MET: variants seen among roughly 807,000 people sequenced by gnomAD.
The protein encoded by MET is MET proto-oncogene, receptor tyrosine kinase, also known as hepatocyte growth factor receptor.
In MET, 48 loss-of-function variants were observed where a neutral mutation model predicts 133.1. The ratio of observed to expected loss-of-function variants is 0.36; its 90% CI spans 0.29 to 0.46. MET has a LOEUF of 0.46. Among genes scored for constraint, MET ranks in the 20% least tolerant of loss-of-function variants. The pLI is 1.00. For missense variants in MET, 1,442 were observed against 1,695.9 expected (o/e 0.85, Z 2.63); for synonymous variants, 628 against 616.5 (o/e 1.02, Z -0.28).
intron 11 of MET, among the ~76,000 whole-genome samples, chr7:116,764,240 A>G (rs1794524471): frequency 6.6e-6 from 1 of 152,188 alleles, no homozygotes; most frequent in African/African-American, 2.4e-5. Context: ...TACTAACCTC[A>G]TTATTGTGTT....
At chr7:116,774,455 G>T (rs769830885) in intron 14 of MET, among the ~76,000 whole-genome samples, 17 of 152,200 alleles carry the variant, frequency 1.1e-4, no homozygotes, top group Non-Finnish European at 1.9e-4. Flanking sequence ...CATAGGTTTT[G>T]CACAATAGTA....
At chr7:116,681,748 A>G (rs38845) in intron 1 of MET, among the ~76,000 whole-genome samples, 89,855 of 152,012 alleles carry the variant, frequency 0.59, 27,336 homozygotes, top group African/African-American at 0.75. Flanking sequence ...TACACTGTCC[A>G]AAGTGAGACT....
intron 11 of MET, among the ~76,000 whole-genome samples, chr7:116,766,819 G>C (rs1794643724): frequency 6.6e-6 from 1 of 152,026 alleles, no homozygotes; most frequent in African/African-American, 2.4e-5. Flanking sequence ...TGGTTTCATG[G>C]TACCTAGTAG....
chr7:116,696,178 C>G (rs1796960134), intron 1 of MET, among the ~76,000 whole-genome samples: 1 of 152,094 alleles, frequency 6.6e-6, no homozygotes, highest in Non-Finnish European at 1.5e-5. Flanking sequence ...CAGGAATTTT[C>G]ATTCTTTATC....
intron 1 of MET, among the ~76,000 whole-genome samples, chr7:116,690,917 A>G (rs1407617054): frequency 6.6e-6 from 1 of 152,234 alleles, no homozygotes; most frequent in African/African-American, 2.4e-5. Context: ...TTATAAATAC[A>G]GTATTTTAAA....
chr7:116,771,411 G>A (rs1794826423), intron 12 of MET, 87 bp from the exon 13 acceptor site: 1 of 1,473,908 alleles, frequency 6.8e-7, no homozygotes, highest in Admixed American at 1.7e-5. Flanking sequence ...TAACCAGTTG[G>A]TATTTGGGAC....
intron 5 of MET, among the ~76,000 whole-genome samples, chr7:116,754,929 A>AAG (rs778238570): frequency 3.2e-4 from 48 of 147,872 alleles, no homozygotes; most frequent in Non-Finnish European, 6.3e-4. Flanking sequence ...GAAAGAAAGA[A>AAG]AGAAAGAAAG....
intron 12 of MET, 134 bp downstream of exon 12, chr7:116,769,925 T>C (rs1252669700): frequency 7.8e-7 from 1 of 1,282,082 alleles, no homozygotes; most frequent in Non-Finnish European, 1.1e-6. Context: ...GCATTCCTAG[T>C]TGTTATTTTA....
chr7:116,674,525 T>C (rs1181937573), intron 1 of MET, among the ~76,000 whole-genome samples: 3 of 152,244 alleles, frequency 2.0e-5, no homozygotes, highest in Non-Finnish European at 4.4e-5. Flanking sequence ...GCATTAGTCA[T>C]ATTATCCTTC....
chr7:116,718,886 C>T (rs2116699127), intron 2 of MET, among the ~76,000 whole-genome samples: 1 of 145,124 alleles, frequency 6.9e-6, no homozygotes, highest in East Asian at 2.0e-4. Context: ...TTAATCCAGT[C>T]TATCATTGTT....
At chr7:116,741,141 T>A in intron 5 of MET, 116 bp downstream of exon 5, 1 of 1,217,362 alleles carries the variant, frequency 8.2e-7, no homozygotes, top group East Asian at 2.5e-5. Context: ...ATGAAAAAAA[T>A]TTAAAAATCA....
intron 1 of MET, among the ~76,000 whole-genome samples, chr7:116,677,803 C>A (rs571397768): frequency 1.3e-5 from 2 of 152,350 alleles, no homozygotes; most frequent in Admixed American, 1.3e-4. Flanking sequence ...AGCCCACATA[C>A]TTTACATCAA....
At position 116,795,755 on chromosome 7, in the gene MET, G is replaced by T. The variant is rs1169629750; in HGVS notation, c.3899G>T (p.Arg1300Ile). ...ATAACTGTTTACTTGTTGCAAGGGA[G>T]AAGACTCCTACAACCCGAATACTGC... is the stretch of plus-strand genomic sequence containing the variant. ...FDITVYLLQG[R>I]RLLQPEYCPD... The change falls in exon 20 of 21, where the codon AGA becomes ATA. Residue 1300 changes from arginine to isoleucine, a missense_variant. Around this residue, in one of 6 missense-constraint regions of MET, gnomAD observed 32 missense variants for 72.4 expected, o/e 0.44. Transcript: ENST00000397752. 1 of 1,614,176 alleles carries T rather than the reference G, an allele frequency of 6.2e-7. No homozygotes were observed. Among genetic ancestry groups the T allele is most frequent in the South Asian group, 1.1e-5 (1 of 91,078 alleles).
At position 116,741,051 on chromosome 7, in the gene MET, C is replaced by T. The variant is rs1793431001; in HGVS notation, c.1701+26C>T. On this transcript the variant is annotated intron_variant, in intron 5 of 20. Transcript: ENST00000397752. ...GTAGGAATCTCTAACAGCTGGCATA[C>T]ATGTTTTTGTTTGGTGTTTTTTTTT... 8 of 1,468,862 alleles carry T rather than the reference C, an allele frequency of 5.4e-6. No individual in the cohort carries two copies. The South Asian group carries it at 5.8e-5, about 11-fold the overall frequency. 91.0% of individuals were successfully genotyped at this position (1,468,862 alleles called of 1,614,324 possible). A position where few individuals can be genotyped will look rare whatever the true frequency, so the allele number is the denominator to read the frequency against.
At chr7:116,701,620 TC>T (rs1228683429) in intron 2 of MET, among the ~76,000 whole-genome samples, 4 of 152,170 alleles carry the variant, frequency 2.6e-5, no homozygotes, top group African/African-American at 9.7e-5. Context: ...GCACATACAT[TC>T]CAACTAAGAC....
intron 1 of MET, among the ~76,000 whole-genome samples, chr7:116,693,629 T>C (rs1347090299): frequency 2.6e-5 from 4 of 152,220 alleles, no homozygotes; most frequent in Admixed American, 6.5e-5. Flanking sequence ...CCCACGTGAC[T>C]TTCTGTCCTA....
intron 19 of MET, among the ~76,000 whole-genome samples, chr7:116,794,506 G>C (rs973513851): frequency 6.6e-6 from 1 of 152,198 alleles, no homozygotes; most frequent in African/African-American, 2.4e-5. Flanking sequence ...AGTCATTAAT[G>C]GTAATTTGTA....
chr7:116,696,400 C>T (rs1255812296), intron 1 of MET, among the ~76,000 whole-genome samples: 3 of 152,146 alleles, frequency 2.0e-5, no homozygotes, highest in Admixed American at 2.0e-4. Flanking sequence ...CACCCTGTTA[C>T]TACTTTTTGC....
At chr7:116,718,638 C>T (rs1394329370) in intron 2 of MET, among the ~76,000 whole-genome samples, 1 of 121,432 alleles carries the variant, frequency 8.2e-6, no homozygotes, top group Admixed American at 8.9e-5. Context: ...GCTATCCCTC[C>T]CCCCTCCCCC....
Sources: allele counts gnomAD v4.1 joint callset (sites outside exome capture counted in the v4.1 genomes callset), GRCh38; gene constraint gnomAD v4.1.1; regional missense constraint gnomAD v4.1.1; transcripts MANE v1.5; gene names NCBI Gene and HGNC (gene_info 2026-07-23, HGNC 2026-07-21).